SLC39A6: variants seen among roughly 807,000 people sequenced by gnomAD.
SLC39A6 encodes the protein zinc transporter ZIP6.
A neutral mutation model predicts 63.5 loss-of-function variants in SLC39A6; 51 were observed. The observed-to-expected ratio is 0.80, with a 90% CI of 0.64 to 1.01. The LOEUF (loss-of-function observed/expected upper bound fraction) is 1.01. SLC39A6 is among the 50% of genes least tolerant of loss of function. The pLI is 0.00. For missense variants in SLC39A6, 805 were observed against 927.8 expected, an observed-to-expected ratio of 0.87 and a Z score of 1.72; for synonymous variants, 318 against 324.7, an observed-to-expected ratio of 0.98 and a Z score of 0.22.
chr18:36,114,262 C>A lies in SLC39A6; in HGVS notation c.1678G>T (p.Asp560Tyr). ...TGATGATGGAGAATATGATGGTAGT[C>A]ATGATGGTGGTGAATGAGATCGTCT... The part of the protein sequence containing the change: ...QSDDLIHHHH[D>Y]YHHILHHHHH... Residue 560 changes from aspartate (D) to tyrosine (Y), a missense_variant, in exon 7 of 10, where the codon GAC becomes TAC. This residue lies in a region of SLC39A6 where 19 missense variants were observed against 35.1 expected (regional missense o/e 0.54). Coordinates refer to ENST00000269187, the MANE Select transcript of SLC39A6 (RefSeq NM_012319.4). 6.2e-7 allele frequency: 1 copy of A among 1,614,006 alleles called. No homozygotes were observed. The highest frequency in any genetic ancestry group is 1.6e-4 in the Middle Eastern group (1 of 6,062).
At chr18:36,112,970 T>G (rs537100407) in intron 7 of SLC39A6, among the ~76,000 whole-genome samples, 1 of 152,372 alleles carries the variant, frequency 6.6e-6, no homozygotes, top group East Asian at 1.9e-4. Context: ...GAATTTACTA[T>G]GTAACTAGAT....
At chr18:36,128,869 G>T (rs973282861) in intron 1 of SLC39A6, among the ~76,000 whole-genome samples, 1 of 152,172 alleles carries the variant, frequency 6.6e-6, no homozygotes, top group African/African-American at 2.4e-5. Context: ...GGGATGAAAA[G>T]TACGGATCTT....
chr18:36,123,634 A>G lies in SLC39A6; in HGVS notation c.1001T>C (p.Ile334Thr). 1 of 1,610,078 alleles carries G rather than the reference A, an allele frequency of 6.2e-7. No homozygotes were observed. The highest frequency in any genetic ancestry group is 1.3e-5 in the African/African-American group (1 of 74,670). Residue 334 changes from isoleucine to threonine, a missense_variant, in exon 4 of 10, where the codon ATC (isoleucine) becomes ACC (threonine). Physicochemically the swap from Ile to Thr is moderately conservative, Grantham distance 89. Coordinates refer to ENST00000269187, the MANE Select transcript of SLC39A6 (RefSeq NM_012319.4). Reference protein sequence around the residue: ...AWVGGFIAISIISFLSLLGVI... With the variant: ...AWVGGFIAISTISFLSLLGVI... ...CCCCAGCAGAGACAGGAAACTGATGATGGAAATGGCTATAAAACCACCAAC... is the reference window on the plus strand; with the variant it reads ...CCCCAGCAGAGACAGGAAACTGATGGTGGAAATGGCTATAAAACCACCAAC...
intron 1 of SLC39A6, 136 bp from the exon 2 acceptor site, chr18:36,127,152 T>C (rs2089446912): frequency 6.7e-6 from 5 of 748,046 alleles, no homozygotes; most frequent in South Asian, 3.9e-5. Context: ...AGTGTGACGC[T>C]AGGTACTGTG....
chr18:36,126,182 A>C (rs1259807387), intron 2 of SLC39A6, 37 bp downstream of exon 2: 1 of 1,547,030 alleles, frequency 6.5e-7, no homozygotes, highest in African/African-American at 1.4e-5. Context: ...GGACAGACAC[A>C]CAGGTATATT....
In SLC39A6 at chr18:36,126,683, C is replaced by G. The variant is rs2089441679; in HGVS notation, c.325G>C (p.Glu109Gln). 6.2e-7 allele frequency: 1 copy of G among 1,603,114 alleles called. No individual in the cohort carries two copies. Among genetic ancestry groups the G allele is most frequent in the South Asian group, 1.1e-5 (1 of 90,026 alleles). ...HSDHEHHSDHERHSDHEHHSE... is the reference protein window; with the variant it reads ...HSDHEHHSDHQRHSDHEHHSE... ...TGATGCTCATGGTCTGAGTGACGCT[C>G]ATGGTCTGAGTGATGCTCGTGGTCT... is the stretch of plus-strand genomic sequence containing the variant. The change falls in exon 2 of 10, where the codon GAG becomes CAG. Residue 109 changes from glutamate (E) to glutamine (Q), a missense_variant. Around this residue, in one of 4 missense-constraint regions of SLC39A6, gnomAD observed 639 missense variants for 644.0 expected, o/e 0.99. Transcript: ENST00000269187.
chr18:36,119,505 T>C (rs984526657), intron 5 of SLC39A6, among the ~76,000 whole-genome samples: 1 of 152,144 alleles, frequency 6.6e-6, no homozygotes, highest in South Asian at 2.1e-4. Context: ...ATCAAACTAC[T>C]CTGACTATGA....
Position 36,126,258 on chromosome 18 carries a change from G to A in SLC39A6, c.750C>T (p.Gly250=). ...TNESVSEPRK[G]FMYSRNTNEN... ...CATTTGTGTTTCTGGAATACATAAA[G>A]CCTTTTCGGGGCTCACTCACAGATT... Residue 250 remains glycine, a synonymous_variant, in exon 2 of 10, where the codon GGC becomes GGT. Transcript: ENST00000269187. The A allele has an allele frequency of 6.2e-7, 1 of 1,614,194 alleles. No homozygotes were observed. Among genetic ancestry groups the A allele is most frequent in the Non-Finnish European group, 8.5e-7 (1 of 1,180,026 alleles).
intron 1 of SLC39A6, 152 bp downstream of exon 1, chr18:36,128,962 G>C (rs1352635465): frequency 6.6e-6 from 1 of 152,478 alleles, no homozygotes; most frequent in South Asian, 2.1e-4. Flanking sequence ...GTGGGCGCCT[G>C]CGGCGGGCTC....
Position 36,126,929 on chromosome 18 carries a change from C to G in SLC39A6, c.79G>C (p.Ala27Pro). 1 of 1,614,102 alleles carries G rather than the reference C, an allele frequency of 6.2e-7. No individual in the cohort carries two copies. Among genetic ancestry groups the G allele is most frequent in the Non-Finnish European group, 8.5e-7 (1 of 1,180,016 alleles). ...TTCTCAGTGGTCTGGGGGAAAGCAG[C>G]TGCTTTTAGTTCATGAAGGGGATTT... ...VTNPLHELKAAAFPQTTEKIS... is the reference protein window; with the variant it reads ...VTNPLHELKAPAFPQTTEKIS... The change falls in exon 2 of 10, where the codon GCT (alanine) becomes CCT (proline). Residue 27 changes from alanine (A) to proline (P), a missense_variant. This residue lies in a region of SLC39A6 where 639 missense variants were observed against 644.0 expected (regional missense o/e 0.99). Coordinates refer to ENST00000269187, the MANE Select transcript of SLC39A6 (RefSeq NM_012319.4).
At chr18:36,118,008 G>T (rs1406462245) in intron 5 of SLC39A6, among the ~76,000 whole-genome samples, 1 of 150,422 alleles carries the variant, frequency 6.6e-6, no homozygotes, top group African/African-American at 2.5e-5. Context: ...TCCAGCCGGG[G>T]CGACAGAGTG....
intron 6 of SLC39A6, among the ~76,000 whole-genome samples, chr18:36,115,670 C>T (rs1010358390): frequency 6.6e-6 from 1 of 151,990 alleles, no homozygotes; most frequent in Non-Finnish European, 1.5e-5. Context: ...GTGCATGGCC[C>T]GGAGACAAGC....
At chr18:36,119,805 C>T (rs1376622702) in intron 5 of SLC39A6, among the ~76,000 whole-genome samples, 10 of 151,614 alleles carry the variant, frequency 6.6e-5, no homozygotes, top group African/African-American at 2.4e-4. Flanking sequence ...TGCTTAAATC[C>T]AGGAATTTGA....
intron 5 of SLC39A6, among the ~76,000 whole-genome samples, chr18:36,119,945 G>T (rs2089378228): frequency 6.6e-6 from 1 of 151,928 alleles, no homozygotes; most frequent in Non-Finnish European, 1.5e-5. Flanking sequence ...GGTAAAATTT[G>T]GAAATGAAAT....
intron 1 of SLC39A6, among the ~76,000 whole-genome samples, chr18:36,127,694 A>G (rs1386437001): frequency 6.6e-6 from 1 of 152,024 alleles, no homozygotes; most frequent in Non-Finnish European, 1.5e-5. Context: ...CACAATCCTC[A>G]AAGGTGCTCA....
intron 8 of SLC39A6, 23 bp downstream of exon 8, chr18:36,112,478 T>C (rs1265280353): frequency 6.3e-7 from 1 of 1,580,722 alleles, no homozygotes; most frequent in African/African-American, 1.4e-5. Flanking sequence ...ACTTGGCAAA[T>C]ACAATTTATG....
At chr18:36,109,827 C>T in intron 9 of SLC39A6, 82 bp from the exon 10 acceptor site, 1 of 1,081,646 alleles carries the variant, frequency 9.2e-7, no homozygotes, top group East Asian at 2.4e-5. Flanking sequence ...ATTTATAGGA[C>T]AGTATACTAG....
intron 4 of SLC39A6, among the ~76,000 whole-genome samples, chr18:36,122,956 T>C (rs1302134444): frequency 6.6e-6 from 1 of 152,262 alleles, no homozygotes; most frequent in Non-Finnish European, 1.5e-5. Flanking sequence ...TTTTCCCACA[T>C]ACTTGAAAAC....
At chr18:36,114,496 A>G (rs370207553) in intron 6 of SLC39A6, 22 bp from the exon 7 acceptor site, 1 of 1,575,930 alleles carries the variant, frequency 6.3e-7, no homozygotes, top group Non-Finnish European at 8.6e-7. Context: ...CATAAAGGGC[A>G]TGGGGACAGT....
Sources: allele counts gnomAD v4.1 joint callset (sites outside exome capture counted in the v4.1 genomes callset), GRCh38; gene constraint gnomAD v4.1.1; regional missense constraint gnomAD v4.1.1; transcripts MANE v1.5; gene names NCBI Gene and HGNC (gene_info 2026-07-23, HGNC 2026-07-21).